Variants in FHIT observed in about 807,000 individuals in gnomAD.
The protein encoded by FHIT is bis(5'-adenosyl)-triphosphatase.
FHIT carries 19 observed loss-of-function variants against 17.9 expected under a neutral mutation model. The ratio of observed to expected loss-of-function variants is 1.06; its 90% CI spans 0.74 to 1.56. The LOEUF (loss-of-function observed/expected upper bound fraction) is 1.56, where lower values mean the gene tolerates loss of function less well. Ranked by LOEUF, FHIT falls within the 40% of genes most tolerant of loss-of-function variation. The pLI is 0.00. For missense variants in FHIT, 248 were observed against 189.2 expected (o/e 1.31, Z -1.82); for synonymous variants, 81 against 69.7 (o/e 1.16, Z -0.81).
chr3:60,084,196 A>G (rs1703405472), intron 5 of FHIT, among the ~76,000 whole-genome samples: 1 of 152,216 alleles, frequency 6.6e-6, no homozygotes, highest in African/African-American at 2.4e-5. Flanking sequence ...GAGTAGGAAG[A>G]AAAGATTACT....
intron 5 of FHIT, among the ~76,000 whole-genome samples, chr3:60,269,762 A>T (rs1376706748): frequency 1.3e-5 from 2 of 152,350 alleles, no homozygotes; most frequent in East Asian, 3.9e-4. Flanking sequence ...AGCAGATAGA[A>T]ATGTTGGAAC....
intron 5 of FHIT, among the ~76,000 whole-genome samples, chr3:60,503,554 T>A (rs1252437008): frequency 6.6e-6 from 1 of 152,152 alleles, no homozygotes; most frequent in African/African-American, 2.4e-5. Context: ...ACATTTTATA[T>A]TGGTTGTGGC....
chr3:60,967,138 C>T (rs575305487), intron 3 of FHIT, among the ~76,000 whole-genome samples: 3 of 152,210 alleles, frequency 2.0e-5, no homozygotes, highest in East Asian at 3.9e-4. Context: ...TTGTAAATTG[C>T]TTTATTCACC....
chr3:60,141,866 A>T (rs1052527576), intron 5 of FHIT, among the ~76,000 whole-genome samples: 2 of 152,224 alleles, frequency 1.3e-5, no homozygotes, highest in African/African-American at 4.8e-5. Flanking sequence ...GGTAACAGTG[A>T]TTCATAAACC....
intron 5 of FHIT, among the ~76,000 whole-genome samples, chr3:60,296,075 A>G (rs142464098): frequency 2.7e-3 from 412 of 152,224 alleles, no homozygotes; most frequent in Admixed American, 4.6e-3. Context: ...TTCATGTAAG[A>G]TGTGCCTTTC....
intron 5 of FHIT, among the ~76,000 whole-genome samples, chr3:60,233,113 G>T (rs1304934838): frequency 6.6e-6 from 1 of 152,064 alleles, no homozygotes; most frequent in Non-Finnish European, 1.5e-5. Flanking sequence ...ACTCGGCAAT[G>T]GGTACATTGG....
chr3:60,178,310 G>C (rs1196526823), intron 5 of FHIT, among the ~76,000 whole-genome samples: 2 of 152,126 alleles, frequency 1.3e-5, no homozygotes, highest in African/African-American at 4.8e-5. Context: ...AGATAAGGCA[G>C]ACACAATGGC....
intron 5 of FHIT, among the ~76,000 whole-genome samples, chr3:60,029,897 C>CTGTGTGTCTGTGTGTG (rs1700920671): frequency 7.8e-6 from 1 of 127,822 alleles, no homozygotes; most frequent in Admixed American, 7.8e-5. Flanking sequence ...GTGTGTGTGT[C>CTGTGTGTCTGTGTGTG]TGTGTGTGTG....
At chr3:60,635,580 C>CA in intron 4 of FHIT, among the ~76,000 whole-genome samples, 1 of 152,286 alleles carries the variant, frequency 6.6e-6, no homozygotes, top group South Asian at 2.1e-4. Context: ...CTCCATGTCC[C>CA]ATGCCTAGAA....
chr3:60,984,754 A>T (rs891101585), intron 3 of FHIT, among the ~76,000 whole-genome samples: 2 of 151,076 alleles, frequency 1.3e-5, no homozygotes, highest in Admixed American at 6.6e-5. Flanking sequence ...ACATATCTCA[A>T]ATAATAATAA....
chr3:61,007,402 T>C (rs1358365853), intron 3 of FHIT, among the ~76,000 whole-genome samples: 1 of 152,210 alleles, frequency 6.6e-6, no homozygotes, highest in African/African-American at 2.4e-5. Context: ...TAGAAATCGA[T>C]GGAGGAGCAA....
At chr3:60,082,842 T>G (rs1703348429) in intron 5 of FHIT, among the ~76,000 whole-genome samples, 1 of 152,156 alleles carries the variant, frequency 6.6e-6, no homozygotes, top group African/African-American at 2.4e-5. Flanking sequence ...GTTGAATTGT[T>G]GAAGTTCCAT....
At chr3:61,059,575 T>C (rs1301914012) in intron 2 of FHIT, among the ~76,000 whole-genome samples, 1 of 152,178 alleles carries the variant, frequency 6.6e-6, no homozygotes, top group Non-Finnish European at 1.5e-5. Flanking sequence ...ACATATTCTC[T>C]TTAAAGTAGG....
At chr3:60,188,114 T>C (rs1702236808) in intron 5 of FHIT, among the ~76,000 whole-genome samples, 1 of 151,982 alleles carries the variant, frequency 6.6e-6, no homozygotes, top group African/African-American at 2.4e-5. Flanking sequence ...ACACCTTTTG[T>C]CAGCACTGTT....
intron 4 of FHIT, among the ~76,000 whole-genome samples, chr3:60,613,625 A>G (rs1352545628): frequency 6.6e-6 from 1 of 151,396 alleles, no homozygotes; most frequent in South Asian, 2.1e-4. Flanking sequence ...ATATTCCTTC[A>G]TCTTTCTCTC....
chr3:60,457,274 T>A (rs60232290), intron 5 of FHIT, among the ~76,000 whole-genome samples: 1 of 151,518 alleles, frequency 6.6e-6, no homozygotes, highest in African/African-American at 2.4e-5. Context: ...AGAAATAATG[T>A]CACATATCTA....
At chr3:60,207,562 A>C (rs1318322497) in intron 5 of FHIT, among the ~76,000 whole-genome samples, 1 of 152,156 alleles carries the variant, frequency 6.6e-6, no homozygotes, top group Admixed American at 6.5e-5. Flanking sequence ...CGAATTTAGA[A>C]TCACCACCCC....
intron 8 of FHIT, among the ~76,000 whole-genome samples, chr3:59,899,932 CCA>C (rs1394523108): frequency 6.6e-6 from 1 of 152,142 alleles, no homozygotes; most frequent in Non-Finnish European, 1.5e-5. Flanking sequence ...CTATAAAGGT[CCA>C]GATACTAAAT....
intron 5 of FHIT, among the ~76,000 whole-genome samples, chr3:60,178,128 G>A (rs1701764485): frequency 6.6e-6 from 1 of 152,190 alleles, no homozygotes; most frequent in African/African-American, 2.4e-5. Flanking sequence ...GTATTCAGAA[G>A]AACTGAGGAG....
Sources: allele counts gnomAD v4.1 joint callset (sites outside exome capture counted in the v4.1 genomes callset), GRCh38; gene constraint gnomAD v4.1.1; transcripts MANE v1.5; gene names NCBI Gene and HGNC (gene_info 2026-07-23, HGNC 2026-07-21).